PPP2R3A: variants seen among roughly 807,000 people sequenced by gnomAD.
PPP2R3A encodes serine/threonine-protein phosphatase 2A regulatory subunit B'' subunit alpha.
In PPP2R3A, 80 loss-of-function variants were observed where a neutral mutation model predicts 106.9. The ratio of observed to expected loss-of-function variants is 0.75; its 90% confidence interval spans 0.62 to 0.90. The LOEUF (loss-of-function observed/expected upper bound fraction) is 0.90. Ranked by LOEUF, PPP2R3A falls within the 40% of genes least tolerant of loss-of-function variation. PPP2R3A has a pLI of 0.00. For synonymous variants in PPP2R3A, 483 were observed against 468.3 expected (o/e 1.03, Z -0.41); for missense variants, 1,386 against 1,350.4 (o/e 1.03, Z -0.41).
chr3:136,041,258 TTTTG>T (rs1935272051), intron 4 of PPP2R3A, among the ~76,000 whole-genome samples: 7 of 121,862 alleles, frequency 5.7e-5, no homozygotes, highest in African/African-American at 1.0e-4. Context: ...TTGTTTTTTT[TTTTG>T]TTTTTTTTTT....
chr3:135,968,312 GGCA>G (rs763865391), intron 1 of PPP2R3A, among the ~76,000 whole-genome samples: 74 of 152,162 alleles, frequency 4.9e-4, no homozygotes, highest in Non-Finnish European at 2.5e-4. Flanking sequence ...GAGAAGTACA[GGCA>G]GCTCTGAGTG....
intron 1 of PPP2R3A, among the ~76,000 whole-genome samples, chr3:135,982,923 C>T (rs1432527128): frequency 6.6e-6 from 1 of 152,098 alleles, no homozygotes; most frequent in African/African-American, 2.4e-5. Flanking sequence ...CTATTGAGCC[C>T]ACAGGATCAT....
chr3:136,051,077 T>C (rs192897467), intron 5 of PPP2R3A, among the ~76,000 whole-genome samples: 58 of 152,354 alleles, frequency 3.8e-4, no homozygotes, highest in Middle Eastern at 3.4e-3. Flanking sequence ...GTTTCTACTA[T>C]AGCATTCTTC....
rs1282543048 is a variant in PPP2R3A, at chr3:136,003,298, C to G, written c.1800C>G (p.Asp600Glu). 1.2e-6 allele frequency: 2 copies of G among 1,613,958 alleles called. No homozygotes were observed. Among genetic ancestry groups the G allele is most frequent in the Non-Finnish European group, 1.7e-6 (2 of 1,179,942 alleles). Residue 600 changes from aspartate to glutamate, a missense_variant, in exon 2 of 14, where the codon GAC (aspartate) becomes GAG (glutamate). Coordinates refer to ENST00000264977, the MANE Select transcript of PPP2R3A (RefSeq NM_002718.5). ...TGCGAATCCTGGAAAGCATTGAAGA[C>G]TTTGCTCAAGAACTAGTTGAATGCA... ...LLLRILESIE[D>E]FAQELVECKS...
chr3:136,000,426 C>T (rs902221867), intron 1 of PPP2R3A, among the ~76,000 whole-genome samples: 3 of 152,162 alleles, frequency 2.0e-5, no homozygotes, highest in Non-Finnish European at 2.9e-5. Flanking sequence ...ATTCTGTCCA[C>T]TTGATGCAGA....
chr3:136,032,851 T>C (rs934366682), intron 3 of PPP2R3A, among the ~76,000 whole-genome samples: 2 of 152,186 alleles, frequency 1.3e-5, no homozygotes, highest in Non-Finnish European at 2.9e-5. Context: ...TCTTTATTGA[T>C]TTGGGTGCCC....
intron 10 of PPP2R3A, among the ~76,000 whole-genome samples, chr3:136,096,500 A>G (rs1315086071): frequency 6.6e-6 from 1 of 152,138 alleles, no homozygotes; most frequent in African/African-American, 2.4e-5. Context: ...CTCTTTTAGT[A>G]TGTCCTTTAA....
intron 3 of PPP2R3A, among the ~76,000 whole-genome samples, chr3:136,038,578 A>G (rs1460239863): frequency 6.6e-6 from 1 of 152,170 alleles, no homozygotes; most frequent in Non-Finnish European, 1.5e-5. Flanking sequence ...GAGTGACTCT[A>G]ATGGTGGGAG....
At chr3:135,981,037 T>C (rs1937533508) in intron 1 of PPP2R3A, among the ~76,000 whole-genome samples, 1 of 151,936 alleles carries the variant, frequency 6.6e-6, no homozygotes, top group Non-Finnish European at 1.5e-5. Context: ...CAGAATGTCC[T>C]AAAATGTTTG....
chr3:136,111,631 G>A (rs1559926680), intron 13 of PPP2R3A, among the ~76,000 whole-genome samples: 1 of 151,654 alleles, frequency 6.6e-6, no homozygotes, highest in African/African-American at 2.4e-5. Flanking sequence ...CCAGTAATGA[G>A]TTCTGAACTT....
rs918893578 is a variant in PPP2R3A, at chr3:136,009,220, C to G, written c.1995+5727C>G. On this transcript the variant is annotated intron_variant, in intron 2 of 13. Transcript: ENST00000264977. The stretch of plus-strand genomic sequence containing the variant: ...GCTCTATTCTTTCTCATTCCCACCC[C>G]CTATCCCACTGGGCCTGGAGGGGGC... Among the ~76,000 whole-genome samples, 3 of 152,134 alleles carry G rather than the reference C, an allele frequency of 2.0e-5. No homozygotes were observed. The South Asian group carries it at 6.2e-4, about 32-fold the overall frequency.
intron 4 of PPP2R3A, among the ~76,000 whole-genome samples, chr3:136,041,265 T>TG (rs1365151776): frequency 7.1e-5 from 6 of 84,088 alleles, no homozygotes; most frequent in South Asian, 8.3e-4. Context: ...TTTTTTTGTT[T>TG]TTTTTTTTTT....
intron 2 of PPP2R3A, among the ~76,000 whole-genome samples, chr3:136,012,401 G>A (rs1934115842): frequency 2.6e-5 from 4 of 152,158 alleles, no homozygotes; most frequent in African/African-American, 7.2e-5. Context: ...TCTGTTATTA[G>A]TCATAGAATG....
intron 13 of PPP2R3A, among the ~76,000 whole-genome samples, chr3:136,133,518 G>A (rs984975943): frequency 6.6e-6 from 1 of 152,044 alleles, no homozygotes; most frequent in African/African-American, 2.4e-5. Context: ...ACATTGGGCT[G>A]GTAAGGATGT....
intron 1 of PPP2R3A, among the ~76,000 whole-genome samples, chr3:135,973,055 AAT>A (rs1311502964): frequency 6.6e-6 from 1 of 152,146 alleles, no homozygotes; most frequent in Non-Finnish European, 1.5e-5. Flanking sequence ...TTCTTCTGGC[AAT>A]ATATAGTTTT....
intron 1 of PPP2R3A, among the ~76,000 whole-genome samples, chr3:135,991,053 C>A (rs888162293): frequency 4.6e-5 from 7 of 152,124 alleles, no homozygotes; most frequent in Admixed American, 2.0e-4. Context: ...TCTTACAGGA[C>A]GTTTTCCCTT....
At chr3:136,057,617 C>T (rs188526294) in intron 5 of PPP2R3A, among the ~76,000 whole-genome samples, 1 of 152,110 alleles carries the variant, frequency 6.6e-6, no homozygotes, top group Admixed American at 6.6e-5. Context: ...TTATATTTTA[C>T]CTCAATACAT....
At chr3:136,021,429 C>A (rs1934461865) in intron 2 of PPP2R3A, among the ~76,000 whole-genome samples, 1 of 152,026 alleles carries the variant, frequency 6.6e-6, no homozygotes, top group Non-Finnish European at 1.5e-5. Flanking sequence ...AAAAGAAATT[C>A]TTTAAAACAC....
At chr3:136,038,439 G>A (rs1559882685) in intron 3 of PPP2R3A, among the ~76,000 whole-genome samples, 1 of 152,150 alleles carries the variant, frequency 6.6e-6, no homozygotes, top group Non-Finnish European at 1.5e-5. Context: ...AGAAAAGACT[G>A]TAAGAGAATG....
Sources: gnomAD v4.1 joint callset for allele counts (sites outside exome capture counted in the v4.1 genomes callset) on GRCh38, gnomAD v4.1.1 for gene constraint, MANE v1.5 for transcripts, NCBI Gene and HGNC (gene_info 2026-07-23, HGNC 2026-07-21) for gene names.